Variants in ATP8B4 observed in about 807,000 individuals in gnomAD.
ATP8B4 encodes ATPase phospholipid transporting 8B4 (putative).
Under a neutral mutation model 145.6 loss-of-function variants are expected in ATP8B4, and 133 were observed. The ratio of observed to expected loss-of-function variants is 0.91; its 90% confidence interval spans 0.79 to 1.05. ATP8B4 has a LOEUF of 1.05. Ranked by LOEUF, ATP8B4 falls within the 50% of genes least tolerant of loss-of-function variation. ATP8B4 has a pLI of 0.00. For synonymous variants in ATP8B4, 507 were observed against 492.9 expected, an observed-to-expected ratio of 1.03 and a Z score of -0.38; for missense variants, 1,458 against 1,425.2, an observed-to-expected ratio of 1.02 and a Z score of -0.37.
At chr15:50,066,283 CAG>C (rs1036219601) in intron 3 of ATP8B4, among the ~76,000 whole-genome samples, 5 of 152,074 alleles carry the variant, frequency 3.3e-5, no homozygotes, top group Non-Finnish European at 5.9e-5. Context: ...GCACACAAAA[CAG>C]AAGCCATTTT....
chr15:49,874,084 T>C (rs2034039110), intron 25 of ATP8B4, among the ~76,000 whole-genome samples: 2 of 152,196 alleles, frequency 1.3e-5, no homozygotes, highest in African/African-American at 2.4e-5. Flanking sequence ...AAATATCCAT[T>C]GTGTGTCACA....
intron 6 of ATP8B4, among the ~76,000 whole-genome samples, chr15:50,035,724 A>G (rs1427811556): frequency 6.6e-6 from 1 of 152,208 alleles, no homozygotes; most frequent in Non-Finnish European, 1.5e-5. Flanking sequence ...TCAATTGCCC[A>G]AAGTCACACA....
intron 6 of ATP8B4, among the ~76,000 whole-genome samples, chr15:50,012,669 C>T (rs112638215): frequency 9.9e-5 from 15 of 151,874 alleles, no homozygotes; most frequent in African/African-American, 2.2e-4. Context: ...AGAAACTGAA[C>T]GAAGAGTAAG....
chr15:49,965,927 T>A (rs566878688), intron 13 of ATP8B4, among the ~76,000 whole-genome samples: 1 of 152,152 alleles, frequency 6.6e-6, no homozygotes, highest in South Asian at 2.1e-4. Flanking sequence ...AACTGGCTAA[T>A]CTCATTGGGA....
chr15:49,949,779 A>G (rs949030490), intron 14 of ATP8B4, among the ~76,000 whole-genome samples: 1 of 152,082 alleles, frequency 6.6e-6, no homozygotes, highest in Non-Finnish European at 1.5e-5. Context: ...TGCCCATTCA[A>G]TATGATATTG....
intron 27 of ATP8B4, among the ~76,000 whole-genome samples, chr15:49,861,223 C>T (rs1029946733): frequency 1.3e-5 from 2 of 152,076 alleles, no homozygotes; most frequent in African/African-American, 4.8e-5. Context: ...TCAAACTTAT[C>T]GGACAAACAA....
chr15:49,968,834 C>A (rs11634706), intron 13 of ATP8B4, among the ~76,000 whole-genome samples: 1 of 152,070 alleles, frequency 6.6e-6, no homozygotes, highest in Non-Finnish European at 1.5e-5. Flanking sequence ...CTTCTCAGCA[C>A]CACATTGCAT....
At chr15:50,089,575 T>A (rs2055457301) in intron 2 of ATP8B4, among the ~76,000 whole-genome samples, 1 of 152,096 alleles carries the variant, frequency 6.6e-6, no homozygotes, top group Non-Finnish European at 1.5e-5. Context: ...AGTGAGATAC[T>A]ATCTCACACG....
chr15:50,072,573 T>C (rs1413485209), intron 3 of ATP8B4, among the ~76,000 whole-genome samples: 1 of 152,076 alleles, frequency 6.6e-6, no homozygotes, highest in Admixed American at 6.6e-5. Flanking sequence ...AGCCCACACA[T>C]GTAATCATTC....
At position 50,054,802 on chromosome 15, in the gene ATP8B4, A is replaced by C. The variant is rs903455492; in HGVS notation, c.88-7338T>G. On this transcript the variant is annotated intron_variant, in intron 3 of 27. Transcript: ENST00000284509. ...CCGCCTCAAAAAAAAAAAAAAAAAA[A>C]AAAAAAACAAAAAAAAAAAAACACC... Among the ~76,000 whole-genome samples the C allele has an allele frequency of 2.2e-3, 302 of 138,158 alleles. 8 individuals carry two copies. The highest frequency in any genetic ancestry group is 7.5e-3 in the African/African-American group (238 of 31,566). The allele number at this position is 138,158 out of a possible 152,430, so 90.6% of individuals were successfully genotyped here. A position where few individuals can be genotyped will look rare whatever the true frequency, so the allele number is the denominator to read the frequency against.
chr15:49,929,502 G>A (rs1000376399), intron 16 of ATP8B4, among the ~76,000 whole-genome samples: 1 of 152,038 alleles, frequency 6.6e-6, no homozygotes, highest in Non-Finnish European at 1.5e-5. Flanking sequence ...AGGACATAAC[G>A]GAAGCTGAAA....
chr15:50,160,015 CTTTT>C (rs35773416), intron 1 of ATP8B4, among the ~76,000 whole-genome samples: 2 of 20,080 alleles, frequency 1.0e-4, no homozygotes, highest in African/African-American at 4.2e-4. Flanking sequence ...CAGGTCCTGG[CTTTT>C]TTTTTTTTTT....
intron 10 of ATP8B4, among the ~76,000 whole-genome samples, chr15:49,984,490 C>G (rs2046417805): frequency 2.0e-5 from 3 of 152,000 alleles, no homozygotes. Flanking sequence ...TCCACCTGAG[C>G]CAGAAGGGAT....
chr15:50,164,164 C>T (rs560803154), intron 1 of ATP8B4, among the ~76,000 whole-genome samples: 21 of 152,282 alleles, frequency 1.4e-4, no homozygotes, highest in Non-Finnish European at 2.6e-4. Flanking sequence ...AGACAAAGCT[C>T]CCTTTACTCA....
intron 20 of ATP8B4, among the ~76,000 whole-genome samples, chr15:49,913,180 C>T (rs2039411182): frequency 1.3e-5 from 2 of 148,870 alleles, no homozygotes; most frequent in African/African-American, 5.1e-5. Flanking sequence ...AAATATAATA[C>T]ACCACGATCA....
chr15:49,876,236 T>G, intron 25 of ATP8B4, 42 bp downstream of exon 25: 1 of 1,597,888 alleles, frequency 6.3e-7, no homozygotes, highest in Non-Finnish European at 8.5e-7. Flanking sequence ...TAGTAAAAGT[T>G]GTAAACCCAT....
intron 21 of ATP8B4, among the ~76,000 whole-genome samples, chr15:49,898,799 G>A (rs2037704247): frequency 6.6e-6 from 1 of 152,212 alleles, no homozygotes; most frequent in African/African-American, 2.4e-5. Context: ...AGAGAGGCCT[G>A]TGCAAAAGGG....
At chr15:50,079,984 G>A (rs969615229) in intron 2 of ATP8B4, among the ~76,000 whole-genome samples, 1 of 152,148 alleles carries the variant, frequency 6.6e-6, no homozygotes, top group Non-Finnish European at 1.5e-5. Context: ...CATGTGCCTG[G>A]ATAGGAAGGA....
rs755275195 is a variant in ATP8B4, at chr15:49,916,992, T to C, written c.2083A>G (p.Met695Val). Residue 695 changes from methionine to valine, a missense_variant, in exon 20 of 28, where the codon ATG becomes GTG. Met to Val is a conservative substitution (Grantham distance 21). Transcript: ENST00000284509. ...GYACNMLTDD[M>V]NDVFVIAGNN... ...CCTGCTATCACAAACACATCATTCA[T>C]GTCGTCAGTCAGCATGTTGCAGGCA... 1 of 1,614,016 alleles carries C rather than the reference T, an allele frequency of 6.2e-7. No individual in the cohort carries two copies. The highest frequency in any genetic ancestry group is 1.1e-5 in the South Asian group (1 of 91,064).
Sources: allele counts gnomAD v4.1 joint callset (sites outside exome capture counted in the v4.1 genomes callset), GRCh38; gene constraint gnomAD v4.1.1; transcripts MANE v1.5; gene names NCBI Gene and HGNC (gene_info 2026-07-23, HGNC 2026-07-21).